THSD7A: variants seen among roughly 807,000 people sequenced by gnomAD.
The protein encoded by THSD7A is thrombospondin type 1 domain containing 7A, also known as thrombospondin type-1 domain-containing protein 7A.
A neutral mutation model predicts 231.3 loss-of-function variants in THSD7A; 96 were observed. The ratio of observed to expected loss-of-function variants is 0.41; its 90% CI spans 0.35 to 0.49. The LOEUF (loss-of-function observed/expected upper bound fraction) is 0.49. Among genes scored for constraint, THSD7A ranks in the 20% least tolerant of loss-of-function variants. The pLI, the probability that THSD7A is intolerant of heterozygous loss-of-function variation, is 0.05. For synonymous variants in THSD7A, 940 were observed against 743.3 expected, an observed-to-expected ratio of 1.26 and a Z score of -4.30; for missense variants, 2,290 against 2,070.2, an observed-to-expected ratio of 1.11 and a Z score of -2.06.
rs180731734 is a variant in THSD7A at position 11,477,801 on chromosome 7, T to C, written c.2018-3233A>G. 8.5e-4 allele frequency among the ~76,000 whole-genome samples: 130 copies of C among 152,294 alleles called. 1 individual carries two copies. The highest frequency in any genetic ancestry group is 3.0e-3 in the African/African-American group (125 of 41,566). On this transcript the variant is annotated intron_variant, in intron 7 of 27. Coordinates refer to ENST00000423059, the MANE Select transcript of THSD7A (RefSeq NM_015204.3). ...TAGACAATAGTATTAGAAACCAAGA[T>C]CTGACTGCTGCAGCTACTTACTTCT...
At chr7:11,486,695 G>T (rs772820946) in intron 6 of THSD7A, among the ~76,000 whole-genome samples, 4 of 152,012 alleles carry the variant, frequency 2.6e-5, no homozygotes, top group Non-Finnish European at 4.4e-5. Context: ...GCTTCTCTTC[G>T]TGTATTCATA....
intron 1 of THSD7A, among the ~76,000 whole-genome samples, chr7:11,822,012 C>G (rs1031966895): frequency 1.3e-5 from 2 of 152,108 alleles, no homozygotes; most frequent in African/African-American, 4.8e-5. Flanking sequence ...ATCATTGCTC[C>G]AAGTATTACC....
chr7:11,543,729 C>T (rs983557622), intron 4 of THSD7A, among the ~76,000 whole-genome samples: 2 of 152,322 alleles, frequency 1.3e-5, no homozygotes, highest in South Asian at 2.1e-4. Flanking sequence ...ATCTAGTAAT[C>T]ACTAAGGATG....
At chr7:11,646,275 A>C (rs1332974926) in intron 1 of THSD7A, among the ~76,000 whole-genome samples, 8 of 152,044 alleles carry the variant, frequency 5.3e-5, no homozygotes, top group African/African-American at 1.9e-4. Flanking sequence ...TAATTACTAC[A>C]ACCAAAAAAC....
chr7:11,696,510 G>A (rs1249120766), intron 1 of THSD7A, among the ~76,000 whole-genome samples: 1 of 151,392 alleles, frequency 6.6e-6, no homozygotes, highest in Admixed American at 6.6e-5. Context: ...ATGGTGGTTT[G>A]CTGCACCTCT....
At chr7:11,513,557 AT>A in intron 6 of THSD7A, among the ~76,000 whole-genome samples, 1 of 152,260 alleles carries the variant, frequency 6.6e-6, no homozygotes, top group Admixed American at 6.5e-5. Flanking sequence ...CAGGTCACAT[AT>A]TATATCATTC....
rs527417151 is a variant in THSD7A at position 11,388,339 on chromosome 7, T to C, written c.4412-5723A>G. The stretch of plus-strand genomic sequence containing the variant: ...CATCTGGTCCTGGACTTTTTGTGGT[T>C]GGTAGGCTATTAATTAGTGCCTCAA... On this transcript the variant is annotated intron_variant, in intron 23 of 27. Coordinates refer to ENST00000423059, the MANE Select transcript of THSD7A (RefSeq NM_015204.3). 9.2e-5 allele frequency among the ~76,000 whole-genome samples: 14 copies of C among 152,248 alleles called. No homozygotes were observed. In the South Asian group the frequency reaches 2.9e-3, roughly 32 times the overall value.
chr7:11,667,115 C>A (rs187402507), intron 1 of THSD7A, among the ~76,000 whole-genome samples: 1 of 151,820 alleles, frequency 6.6e-6, no homozygotes, highest in Non-Finnish European at 1.5e-5. Flanking sequence ...TGGATAAGTT[C>A]GTTAGTGGTG....
rs1206040560 is a variant in THSD7A, at chr7:11,382,593, A to G, written c.4435T>C (p.Trp1479Arg). The change falls in exon 24 of 28, where the codon TGG (tryptophan) becomes CGG (arginine). Residue 1479 changes from tryptophan to arginine, a missense_variant. Trp to Arg is a moderately radical substitution (Grantham distance 101). Coordinates refer to ENST00000423059, the MANE Select transcript of THSD7A (RefSeq NM_015204.3). ...GAGCCCTTCCAAGCACTGGCCATCC[A>G]TTTATATTCATAGCACTGTCCATCT... is the stretch of plus-strand genomic sequence containing the variant. Reference protein sequence around the residue: ...CYDGQCYEYKWMASAWKGSSR... With the variant: ...CYDGQCYEYKRMASAWKGSSR... The G allele has an allele frequency of 3.1e-6, 5 of 1,612,760 alleles. No homozygotes were observed. Among genetic ancestry groups the G allele is most frequent in the Non-Finnish European group, 4.2e-6 (5 of 1,179,136 alleles).
intron 1 of THSD7A, among the ~76,000 whole-genome samples, chr7:11,658,394 C>T (rs1481061349): frequency 6.6e-6 from 1 of 151,696 alleles, no homozygotes; most frequent in African/African-American, 2.4e-5. Flanking sequence ...GCAAAGATGA[C>T]TGCAAGAAGT....
At chr7:11,575,586 C>T (rs549057259) in intron 4 of THSD7A, among the ~76,000 whole-genome samples, 1 of 152,300 alleles carries the variant, frequency 6.6e-6, no homozygotes, top group South Asian at 2.1e-4. Context: ...AAGAGCTGTA[C>T]TCCAGATACT....
intron 1 of THSD7A, among the ~76,000 whole-genome samples, chr7:11,651,169 C>T (rs1041619223): frequency 1.4e-4 from 22 of 151,868 alleles, no homozygotes; most frequent in Middle Eastern, 3.2e-3. Flanking sequence ...TGCTAAGTGA[C>T]GTAAGCAAGA....
At chr7:11,519,431 T>C (rs1265121005) in intron 6 of THSD7A, among the ~76,000 whole-genome samples, 1 of 152,200 alleles carries the variant, frequency 6.6e-6, no homozygotes, top group Non-Finnish European at 1.5e-5. Flanking sequence ...TTCGTATATG[T>C]TCAGCGGCAG....
chr7:11,764,609 C>T (rs992672518), intron 1 of THSD7A, among the ~76,000 whole-genome samples: 2 of 148,274 alleles, frequency 1.3e-5, no homozygotes, highest in African/African-American at 5.0e-5. Context: ...GAGAATGAAA[C>T]TACAATTACC....
Position 11,514,743 on chromosome 7 carries a change from C to A in THSD7A, c.1822+26676G>T, listed in dbSNP as rs112472186. On this transcript the variant is annotated intron_variant, in intron 6 of 27. Coordinates refer to ENST00000423059, the MANE Select transcript of THSD7A (RefSeq NM_015204.3). ...AATTATTCAGTAATATTAAACAATACTACGTGTGCTTACTTTATTAGTTGC... is the reference window on the plus strand; with the variant it reads ...AATTATTCAGTAATATTAAACAATAATACGTGTGCTTACTTTATTAGTTGC... Among the ~76,000 whole-genome samples, 597 of 152,220 alleles carry A rather than the reference C, an allele frequency of 3.9e-3. 2 individuals are homozygous for A. Among genetic ancestry groups the A allele is most frequent in the African/African-American group, 0.013 (560 of 41,548 alleles).
chr7:11,396,953 C>T (rs1453849402), intron 23 of THSD7A, among the ~76,000 whole-genome samples: 1 of 152,136 alleles, frequency 6.6e-6, no homozygotes, highest in Admixed American at 6.6e-5. Flanking sequence ...CGGCTTCATC[C>T]CTGGGATGCA....
intron 1 of THSD7A, among the ~76,000 whole-genome samples, chr7:11,708,515 T>A (rs1780843335): frequency 6.6e-6 from 1 of 150,728 alleles, no homozygotes; most frequent in South Asian, 2.1e-4. Flanking sequence ...AAAGTACAAG[T>A]CAACATAAAA....
intron 1 of THSD7A, among the ~76,000 whole-genome samples, chr7:11,715,145 G>A (rs1036923865): frequency 1.3e-5 from 2 of 151,422 alleles, no homozygotes; most frequent in Non-Finnish European, 3.0e-5. Flanking sequence ...TGTGAAAGAA[G>A]TGGATAATTA....
chr7:11,613,285 CA>C (rs1217479213), intron 2 of THSD7A, among the ~76,000 whole-genome samples: 1 of 152,150 alleles, frequency 6.6e-6, no homozygotes, highest in Non-Finnish European at 1.5e-5. Flanking sequence ...TTTAGAGAAG[CA>C]TACACAACAT....
Sources: allele counts gnomAD v4.1 joint callset (sites outside exome capture counted in the v4.1 genomes callset), GRCh38; gene constraint gnomAD v4.1.1; transcripts MANE v1.5; gene names NCBI Gene and HGNC (gene_info 2026-07-23, HGNC 2026-07-21).